Variants in NEFH observed in about 807,000 individuals in gnomAD.
NEFH encodes the protein neurofilament heavy polypeptide.
A neutral mutation model predicts 56.6 loss-of-function variants in NEFH; 58 were observed. The observed-to-expected ratio is 1.03, with a 90% CI of 0.83 to 1.28. The LOEUF is 1.28. Ranked by LOEUF, NEFH falls within the 50% of genes most tolerant of loss-of-function variation. The probability of loss-of-function intolerance (pLI) is 0.00; values close to 1 mark genes in which losing one functional copy is unlikely to be tolerated. For synonymous variants in NEFH, 542 were observed against 545.8 expected, an observed-to-expected ratio of 0.99 and a Z score of 0.10; for missense variants, 1,221 against 1,307.6, an observed-to-expected ratio of 0.93 and a Z score of 1.02.
rs1191279791 is a variant in NEFH, at chr22:29,481,153, G to A, written c.883+8G>A. The A allele has an allele frequency of 1.3e-6, 2 of 1,531,592 alleles. No homozygotes were observed. Among genetic ancestry groups the A allele is most frequent in the Non-Finnish European group, 1.7e-6 (2 of 1,145,488 alleles). 94.9% of individuals were successfully genotyped at this position (1,531,592 alleles called of 1,614,324 possible). The stretch of plus-strand genomic sequence containing the variant: ...CCGAGGAGTGGTTCCGAGGTACGCA[G>A]GCGCGCGGGTGGGGGGAGGGGCGCC... On this transcript the variant is annotated splice_region_variant and intron_variant, in intron 1 of 3. Coordinates refer to ENST00000310624, the MANE Select transcript of NEFH (RefSeq NM_021076.4).
In NEFH at chr22:29,485,858, C is replaced by T. The variant is rs1172356317; in HGVS notation, c.1208+11C>T. ...GATAGCCGCTTACAGGTGAGACGCACAGGGGCTGTCACATGGTGAAGAAAG... is the reference window on the plus strand; with the variant it reads ...GATAGCCGCTTACAGGTGAGACGCATAGGGGCTGTCACATGGTGAAGAAAG... On this transcript the variant is annotated intron_variant, in intron 3 of 3. Coordinates refer to ENST00000310624, the MANE Select transcript of NEFH (RefSeq NM_021076.4). The T allele has an allele frequency of 9.3e-6, 15 of 1,614,156 alleles. No homozygotes were observed. Among genetic ancestry groups the T allele is most frequent in the Middle Eastern group, 1.6e-4 (1 of 6,062 alleles).
At chr22:29,488,391 G>GA (rs67015509) in intron 3 of NEFH, among the ~76,000 whole-genome samples, 30,970 of 148,432 alleles carry the variant, frequency 0.21, 3,845 homozygotes, top group Non-Finnish European at 0.3. Flanking sequence ...TCAAAAAAAG[G>GA]AAAAAAAAAA....
chr22:29,480,278 G>C lies in NEFH; in HGVS notation c.16G>C (p.Gly6Arg). The change falls in exon 1 of 4, where the codon GGC (glycine) becomes CGC (arginine). Residue 6 changes from glycine (G) to arginine (R), a missense_variant. By Grantham distance (125) the Gly-to-Arg change is moderately radical (BLOSUM62 -2). Coordinates refer to ENST00000310624, the MANE Select transcript of NEFH (RefSeq NM_021076.4). ...TGCTCAGGCCATGATGAGCTTCGGCGGCGCGGACGCGCTGCTGGGCGCCCC... is the reference window on the plus strand; with the variant it reads ...TGCTCAGGCCATGATGAGCTTCGGCCGCGCGGACGCGCTGCTGGGCGCCCC... The part of the protein sequence containing the change: MMSFG[G>R]ADALLGAPFA... 6.6e-7 allele frequency: 1 copy of C among 1,509,406 alleles called. No individual in the cohort carries two copies. Among genetic ancestry groups the C allele is most frequent in the Non-Finnish European group, 8.8e-7 (1 of 1,137,938 alleles). The allele number at this position is 1,509,406 out of a possible 1,614,324, so 93.5% of individuals were successfully genotyped here. A position where few individuals can be genotyped will look rare whatever the true frequency, so the allele number is the denominator to read the frequency against.
In NEFH at chr22:29,490,250, A is replaced by G. The variant is rs546426868; in HGVS notation, c.2610A>G (p.Pro870=). Reference sequence around the variant, plus strand: ...AGGAGGCACCCAAGAAGGAGGCTCCAAAGCCCAAGGTGGAGGAGAAGAAGG... The same window carrying G: ...AGGAGGCACCCAAGAAGGAGGCTCCGAAGCCCAAGGTGGAGGAGAAGAAGG... ...KKEEAPKKEA[P]KPKVEEKKEP... Residue 870 remains proline (P), a synonymous_variant, in exon 4 of 4, where the codon CCA becomes CCG. Transcript: ENST00000310624. 6.2e-7 allele frequency: 1 copy of G among 1,611,854 alleles called. No individual in the cohort carries two copies. The highest frequency in any genetic ancestry group is 2.2e-5 in the East Asian group (1 of 44,866).
At position 29,483,359 on chromosome 22, in the gene NEFH, C is replaced by A; in HGVS notation, c.884-16C>A. On this transcript the variant is annotated splice_polypyrimidine_tract_variant and intron_variant, in intron 1 of 3. Transcript: ENST00000310624. ...CAGGTGTGTCTAACCCTGTGCCCTG[C>A]TACCTTCTCCCCCAGTGAGGCTGGA... The A allele has an allele frequency of 6.2e-7, 1 of 1,613,328 alleles. No individual in the cohort carries two copies. Among genetic ancestry groups the A allele is most frequent in the Non-Finnish European group, 8.5e-7 (1 of 1,179,760 alleles).
Position 29,490,400 on chromosome 22 carries a change from T to C in NEFH, c.2760T>C (p.Ala920=), listed in dbSNP as rs766827437. The C allele has an allele frequency of 1.2e-6, 2 of 1,611,166 alleles. No homozygotes were observed. Among genetic ancestry groups the C allele is most frequent in the Non-Finnish European group, 8.5e-7 (1 of 1,179,446 alleles). The change falls in exon 4 of 4, where the codon GCT becomes GCC. Residue 920 remains alanine (A), a synonymous_variant. Coordinates refer to ENST00000310624, the MANE Select transcript of NEFH (RefSeq NM_021076.4). ...APAKVEVKED[A]KPKEKTEVAK... is the part of the protein sequence containing the mutation. ...CCAAGGTGGAGGTGAAGGAAGACGC[T>C]AAACCCAAAGAAAAGACAGAGGTAG...
Position 29,489,275 on chromosome 22 carries a change from G to T in NEFH, c.1635G>T (p.Lys545Asn). Residue 545 changes from lysine to asparagine, a missense_variant, in exon 4 of 4, where the codon AAG (lysine) becomes AAT (asparagine). Transcript: ENST00000310624. ...KEEAKSPAEV[K>N]SPEKAKSPAK... is the part of the protein sequence containing the mutation. The stretch of plus-strand genomic sequence containing the variant: ...AAGCAAAATCCCCAGCCGAAGTCAA[G>T]TCCCCTGAGAAGGCCAAGTCTCCAG... 1 of 1,613,856 alleles carries T rather than the reference G, an allele frequency of 6.2e-7. No homozygotes were observed. The highest frequency in any genetic ancestry group is 1.1e-5 in the South Asian group (1 of 90,976).
chr22:29,481,045 C>A lies in NEFH; in HGVS notation c.783C>A (p.Asp261Glu). 6.5e-7 allele frequency: 1 copy of A among 1,531,372 alleles called. No individual in the cohort carries two copies. 94.9% of individuals were successfully genotyped at this position (1,531,372 alleles called of 1,614,324 possible). The change falls in exon 1 of 4, where the codon GAC (aspartate) becomes GAA (glutamate). Residue 261 changes from aspartate to glutamate, a missense_variant. This residue lies in a region of NEFH where 640 missense variants were observed against 555.5 expected (regional missense o/e 1.15). Transcript: ENST00000310624. ...CGCAGATGCAGGCCGAGACGCGCGACGCCCTGAAGTGCGACGTGACGTCGG... is the reference window on the plus strand; with the variant it reads ...CGCAGATGCAGGCCGAGACGCGCGAAGCCCTGAAGTGCGACGTGACGTCGG... The part of the protein sequence containing the change: ...AQAQMQAETR[D>E]ALKCDVTSAL...
At chr22:29,487,103 C>T (rs2063049021) in intron 3 of NEFH, among the ~76,000 whole-genome samples, 1 of 151,800 alleles carries the variant, frequency 6.6e-6, no homozygotes. Context: ...AGCACAGGTA[C>T]CACTGGGCTG....
Position 29,489,076 on chromosome 22 carries a change from A to C in NEFH, c.1436A>C (p.Lys479Thr), listed in dbSNP as rs1401452410. The C allele has an allele frequency of 6.2e-7, 1 of 1,613,626 alleles. No individual in the cohort carries two copies. Among genetic ancestry groups the C allele is most frequent in the Non-Finnish European group, 8.5e-7 (1 of 1,179,790 alleles). ...EVTEEEEKEA[K>T]EEEGKEEEGG... ...ACTGAAGAAGAGGAGAAAGAGGCCA[A>C]AGAGGAGGAGGGCAAGGAGGAAGAA... Residue 479 changes from lysine (K) to threonine (T), a missense_variant, in exon 4 of 4, where the codon AAA becomes ACA. By Grantham distance (78) the Lys-to-Thr change is moderately conservative. Transcript: ENST00000310624.
In NEFH at chr22:29,490,827, G is replaced by A. The variant is rs1413743712; in HGVS notation, c.*124G>A. 5.2e-6 allele frequency: 8 copies of A among 1,526,022 alleles called. No individual in the cohort carries two copies. Among genetic ancestry groups the A allele is most frequent in the South Asian group, 1.2e-5 (1 of 83,438 alleles). 94.5% of individuals were successfully genotyped at this position (1,526,022 alleles called of 1,614,324 possible). A position where few individuals can be genotyped will look rare whatever the true frequency, so the allele number is the denominator to read the frequency against. On this transcript the variant is annotated 3_prime_UTR_variant, in exon 4 of 4. Transcript: ENST00000310624. Reference sequence around the variant, plus strand: ...TGTAAGAAGAAACTGCTTAGATGACGGGGCCTCCTTCTTCAAACAGGAATT... The same window carrying A: ...TGTAAGAAGAAACTGCTTAGATGACAGGGCCTCCTTCTTCAAACAGGAATT...
Position 29,485,902 on chromosome 22 carries a change from G to A in NEFH, c.1208+55G>A, listed in dbSNP as rs1297693232. The A allele has an allele frequency of 1.3e-5, 21 of 1,607,172 alleles. 1 individual carries two copies. The highest frequency in any genetic ancestry group is 1.6e-4 in the Middle Eastern group (1 of 6,064). On this transcript the variant is annotated intron_variant, in intron 3 of 3. Coordinates refer to ENST00000310624, the MANE Select transcript of NEFH (RefSeq NM_021076.4). Reference sequence around the variant, plus strand: ...AAGAAAGCTTGTGTTCCTGCGAGACGCTAAGCCTTGGGTTTCAAGACCCCG... The same window carrying A: ...AAGAAAGCTTGTGTTCCTGCGAGACACTAAGCCTTGGGTTTCAAGACCCCG...
Position 29,480,599 on chromosome 22 carries a change from G to C in NEFH, c.337G>C (p.Asp113His). The C allele has an allele frequency of 2.6e-6, 4 of 1,563,042 alleles. No individual in the cohort carries two copies. The highest frequency in any genetic ancestry group is 3.4e-6 in the Non-Finnish European group (4 of 1,163,600). Reference protein sequence around the residue: ...ALNDRFAGYIDKVRQLEAHNR... With the variant: ...ALNDRFAGYIHKVRQLEAHNR... ...GAACGACCGCTTCGCCGGGTACATC[G>C]ACAAGGTGCGGCAGCTGGAGGCGCA... The change falls in exon 1 of 4, where the codon GAC (aspartate) becomes CAC (histidine). Residue 113 changes from aspartate (D) to histidine (H), a missense_variant. Asp to His is a moderately conservative substitution (Grantham distance 81). This residue lies in a region of NEFH where 640 missense variants were observed against 555.5 expected (regional missense o/e 1.15). Coordinates refer to ENST00000310624, the MANE Select transcript of NEFH (RefSeq NM_021076.4).
At chr22:29,485,656 G>A (rs551382175) in intron 2 of NEFH, 67 bp from the exon 3 acceptor site, 156 of 1,574,562 alleles carry the variant, frequency 9.9e-5, no homozygotes, top group Middle Eastern at 5.1e-4. Context: ...ACAGCCCGCC[G>A]CAGCTTCTCT....
chr22:29,489,982 T>A lies in NEFH; in HGVS notation c.2342T>A (p.Phe781Tyr), dbSNP rs469358. ...KEEARSPADK[F>Y]PEKAKSPVKE... ...GAAGCAAGGTCCCCTGCAGACAAAT[T>A]CCCTGAAAAGGCCAAAAGCCCTGTC... Residue 781 changes from phenylalanine (F) to tyrosine (Y), a missense_variant, in exon 4 of 4, where the codon TTC becomes TAC. Coordinates refer to ENST00000310624, the MANE Select transcript of NEFH (RefSeq NM_021076.4). 3.1e-6 allele frequency: 5 copies of A among 1,610,602 alleles called. No individual in the cohort carries two copies. The highest frequency in any genetic ancestry group is 3.4e-6 in the Non-Finnish European group (4 of 1,179,176).
intron 2 of NEFH, among the ~76,000 whole-genome samples, 173 bp from the exon 3 acceptor site, chr22:29,485,550 A>G (rs2063039271): frequency 1.3e-5 from 2 of 152,240 alleles, no homozygotes; most frequent in African/African-American, 2.4e-5. Context: ...TTTTTGCTCC[A>G]GATTGTTCCA....
Position 29,489,420 on chromosome 22 carries a change from T to G in NEFH, c.1780T>G (p.Ser594Ala). 1 of 1,608,838 alleles carries G rather than the reference T, an allele frequency of 6.2e-7. No homozygotes were observed. The highest frequency in any genetic ancestry group is 8.5e-7 in the Non-Finnish European group (1 of 1,179,140). Residue 594 changes from serine to alanine, a missense_variant, in exon 4 of 4, where the codon TCA (serine) becomes GCA (alanine). By Grantham distance (99) the Ser-to-Ala change is moderately conservative (BLOSUM62 1). Transcript: ENST00000310624. ...AKSPAKEEAK[S>A]PAEAKSPEKA... ...GTCCCCAGCAAAGGAAGAGGCAAAG[T>G]CACCGGCTGAGGCCAAGTCTCCAGA...
At chr22:29,481,291 T>A in intron 1 of NEFH, 146 bp downstream of exon 1, 1 of 790,752 alleles carries the variant, frequency 1.3e-6, no homozygotes, top group Non-Finnish European at 2.0e-6. Context: ...TGCCCCTAGT[T>A]AAATCGCAGT....
Position 29,483,425 on chromosome 22 carries a change from C to T in NEFH, c.934C>T (p.Arg312Cys), listed in dbSNP as rs372588415. 4.9e-5 allele frequency: 79 copies of T among 1,613,794 alleles called. No homozygotes were observed. The highest frequency in any genetic ancestry group is 1.7e-4 in the African/African-American group (13 of 74,948). ...EAAKVNTDAM[R>C]SAQEEITEYR... ...AGCCAAGGTGAACACAGACGCTATG[C>T]GCTCAGCGCAGGAGGAGATAACTGA... Residue 312 changes from arginine to cysteine, a missense_variant, in exon 2 of 4, where the codon CGC (arginine) becomes TGC (cysteine). Coordinates refer to ENST00000310624, the MANE Select transcript of NEFH (RefSeq NM_021076.4).
Sources: allele counts gnomAD v4.1 joint callset (sites outside exome capture counted in the v4.1 genomes callset), GRCh38; gene constraint gnomAD v4.1.1; regional missense constraint gnomAD v4.1.1; transcripts MANE v1.5; gene names NCBI Gene and HGNC (gene_info 2026-07-23, HGNC 2026-07-21).